Variants in FAM222B observed in about 807,000 individuals in gnomAD.
The protein encoded by FAM222B is family with sequence similarity 222 member B, also known as protein FAM222B.
Under a neutral mutation model 38.0 loss-of-function variants are expected in FAM222B, and 12 were observed. The ratio of observed to expected loss-of-function variants is 0.32; its 90% CI spans 0.20 to 0.51. The LOEUF is 0.51. Among genes scored for constraint, FAM222B ranks in the 20% least tolerant of loss-of-function variants. The probability of loss-of-function intolerance (pLI) is 0.97; values close to 1 mark genes in which losing one functional copy is unlikely to be tolerated. For synonymous variants in FAM222B, 329 were observed against 317.2 expected, an observed-to-expected ratio of 1.04 and a Z score of -0.40; for missense variants, 716 against 754.2, an observed-to-expected ratio of 0.95 and a Z score of 0.59.
intron 1 of FAM222B, chr17:28,849,588 C>T (rs2039168128): frequency 1.3e-5 from 2 of 152,262 alleles, no homozygotes; most frequent in Admixed American, 1.3e-4. Flanking sequence ...TGGTAACTCT[C>T]ATAACCAACC....
intron 2 of FAM222B, among the ~76,000 whole-genome samples, chr17:28,765,059 G>A (rs2035265195): frequency 1.3e-5 from 2 of 152,214 alleles, no homozygotes; most frequent in South Asian, 2.1e-4. Context: ...TAAGATAAAG[G>A]ATGGGTTGAG....
intron 1 of FAM222B, among the ~76,000 whole-genome samples, chr17:28,795,979 A>G (rs149649951): frequency 5.3e-5 from 8 of 152,314 alleles, no homozygotes; most frequent in Non-Finnish European, 7.4e-5. Flanking sequence ...ATATGATCCT[A>G]TAAGTCTCTT....
At chr17:28,848,789 T>C (rs1044592525) in intron 1 of FAM222B, 1 of 151,768 alleles carries the variant, frequency 6.6e-6, no homozygotes, top group African/African-American at 2.4e-5. Context: ...AGTAGGGAAA[T>C]GGCTCAGAAG....
chr17:28,799,976 G>T (rs1288122967), intron 1 of FAM222B, among the ~76,000 whole-genome samples: 1 of 151,424 alleles, frequency 6.6e-6, no homozygotes. Flanking sequence ...GACTGCTGTT[G>T]TATGTAACTA....
At chr17:28,768,681 A>G (rs566212908) in intron 1 of FAM222B, among the ~76,000 whole-genome samples, 1 of 152,050 alleles carries the variant, frequency 6.6e-6, no homozygotes, top group Non-Finnish European at 1.5e-5. Context: ...TACTAAAAAT[A>G]CAAAATTAGC....
Position 28,756,022 on chromosome 17 carries a change from C to T in FAM222B, c.*2248G>A, listed in dbSNP as rs1456905184. On this transcript the variant is annotated 3_prime_UTR_variant, in exon 3 of 3. Coordinates refer to ENST00000581407, the MANE Select transcript of FAM222B (RefSeq NM_001077498.3). ...ACTGGTTTATAATAATCTTAAAAAC[C>T]CCATCACACCCATAAACCACCACAG... 1 of 152,444 alleles carries T rather than the reference C, an allele frequency of 6.6e-6. No individual in the cohort carries two copies. The allele number at this position is 152,444 out of a possible 1,614,324, so 9.4% of individuals were successfully genotyped here.
rs34469459 is a variant in FAM222B at position 28,828,568 on chromosome 17, GA to G, written c.-41+14113del. ...TGAGCTACAGAGAAGACTCTGTCAC[GA>G]AAAAAAAAAAACAAAAAACATACAA... On this transcript the variant is annotated intron_variant, in intron 1 of 2. Transcript: ENST00000581407. Among the ~76,000 whole-genome samples the G allele has an allele frequency of 5.5e-3, 699 of 127,908 alleles. 3 individuals are homozygous for G. The highest frequency in any genetic ancestry group is 0.019 in the African/African-American group (636 of 34,320). 83.9% of individuals were successfully genotyped at this position (127,908 alleles called of 152,430 possible). A position where few individuals can be genotyped will look rare whatever the true frequency, so the allele number is the denominator to read the frequency against.
intron 1 of FAM222B, among the ~76,000 whole-genome samples, chr17:28,813,978 C>T (rs1340253676): frequency 2.0e-5 from 3 of 151,758 alleles, no homozygotes; most frequent in Admixed American, 2.0e-4. Context: ...GGGAGGCCAA[C>T]GTGGGCAGAT....
At chr17:28,837,646 G>GTT (rs1175762122) in intron 1 of FAM222B, among the ~76,000 whole-genome samples, 4 of 140,132 alleles carry the variant, frequency 2.9e-5, no homozygotes, top group Non-Finnish European at 3.1e-5. Context: ...ACTTCTTTTT[G>GTT]TTTTTTTTTT....
chr17:28,765,662 T>G (rs1432410605), intron 2 of FAM222B, among the ~76,000 whole-genome samples: 4 of 152,146 alleles, frequency 2.6e-5, no homozygotes, highest in Admixed American at 6.6e-5. Flanking sequence ...AGATCATGTA[T>G]TACAGGGAGA....
chr17:28,764,271 C>CAAAAAAA, intron 2 of FAM222B, among the ~76,000 whole-genome samples: 1 of 43,832 alleles, frequency 2.3e-5, no homozygotes, highest in Admixed American at 3.1e-4. Flanking sequence ...GACTCCATCT[C>CAAAAAAA]AAAAAAAAAA....
At chr17:28,800,309 G>T (rs1488010754) in intron 1 of FAM222B, among the ~76,000 whole-genome samples, 2 of 152,226 alleles carry the variant, frequency 1.3e-5, no homozygotes, top group Admixed American at 1.3e-4. Flanking sequence ...GATGACAGGC[G>T]TGAGCCACCG....
chr17:28,825,358 C>T (rs2038399517), intron 1 of FAM222B, among the ~76,000 whole-genome samples: 1 of 150,342 alleles, frequency 6.7e-6, no homozygotes, highest in Non-Finnish European at 1.5e-5. Flanking sequence ...ATCCCTTAGC[C>T]CGGTGGTGGA....
rs1316696074 is a variant in FAM222B, at chr17:28,759,102, G to A, written c.857C>T (p.Ser286Leu). The A allele has an allele frequency of 6.2e-7, 1 of 1,611,716 alleles. No individual in the cohort carries two copies. The highest frequency in any genetic ancestry group is 1.7e-5 in the Admixed American group (1 of 59,502). ...GTTGGCGATCTGGCCCTCACACACTGAGGTAGTGCTGATGCCTGCCCTCGT... is the reference window on the plus strand; with the variant it reads ...GTTGGCGATCTGGCCCTCACACACTAAGGTAGTGCTGATGCCTGCCCTCGT... The part of the protein sequence containing the change: ...CQTRAGISTT[S>L]VCEGQIANPS... The change falls in exon 3 of 3, where the codon TCA becomes TTA. Residue 286 changes from serine (S) to leucine (L), a missense_variant. Transcript: ENST00000581407. This position sits in a 1 kb window ranked among gnomAD's most constrained non-coding sequence, Gnocchi z 4.8.
chr17:28,847,576 A>G (rs1440351734), upstream of FAM222B, among the ~76,000 whole-genome samples: 2 of 152,046 alleles, frequency 1.3e-5, no homozygotes, highest in East Asian at 3.9e-4. Flanking sequence ...CCTGGGCGAC[A>G]GAGAAGGACT....
upstream of FAM222B, among the ~76,000 whole-genome samples, chr17:28,845,879 A>G (rs760896596): frequency 2.2e-4 from 34 of 151,738 alleles, no homozygotes; most frequent in Non-Finnish European, 4.0e-4. Flanking sequence ...TGGGTGACAG[A>G]GCAAGGCTCC....
chr17:28,759,843 T>G lies in FAM222B; in HGVS notation c.116A>C (p.Tyr39Ser). 6.4e-7 allele frequency: 1 copy of G among 1,562,784 alleles called. No homozygotes were observed. Residue 39 changes from tyrosine (Y) to serine (S), a missense_variant, in exon 3 of 3, where the codon TAT becomes TCT. Coordinates refer to ENST00000581407, the MANE Select transcript of FAM222B (RefSeq NM_001077498.3). This position sits in a 1 kb window ranked among gnomAD's most constrained non-coding sequence, Gnocchi z 4.8. Reference protein sequence around the residue: ...DTTQKMRTAHYPTPAELDAYA... With the variant: ...DTTQKMRTAHSPTPAELDAYA... The stretch of plus-strand genomic sequence containing the variant: ...CGCATCCAATTCGGCTGGGGTAGGA[T>G]AGTGAGCAGTTCTCATTTTCTGTGT...
intron 1 of FAM222B, among the ~76,000 whole-genome samples, chr17:28,832,016 C>T (rs780958405): frequency 1.2e-4 from 18 of 151,916 alleles, no homozygotes; most frequent in Non-Finnish European, 4.4e-5. Context: ...GGTGAAACCC[C>T]GTCTCAACTA....
chr17:28,783,006 T>G (rs4794837), intron 1 of FAM222B, among the ~76,000 whole-genome samples: 1 of 150,916 alleles, frequency 6.6e-6, no homozygotes, highest in African/African-American at 2.4e-5. Context: ...GGTGAGGCGG[T>G]GGGTGCCTGT....
Sources: gnomAD v4.1 joint callset for allele counts (sites outside exome capture counted in the v4.1 genomes callset) on GRCh38, gnomAD v4.1.1 for gene constraint, Gnocchi (gnomAD v3.1) non-coding constraint, MANE v1.5 for transcripts, NCBI Gene and HGNC (gene_info 2026-07-23, HGNC 2026-07-21) for gene names.